The following FUT8 variants were observed in gnomAD, a reference collection of about 807,000 sequenced individuals.
The protein encoded by FUT8 is fucosyltransferase 8, also known as alpha-(1,6)-fucosyltransferase.
A neutral mutation model predicts 71.3 loss-of-function variants in FUT8; 29 were observed. That is an observed-to-expected ratio of 0.41 (90% CI 0.30 to 0.55). FUT8 has a LOEUF of 0.55. Among genes scored for constraint, FUT8 ranks in the 20% least tolerant of loss-of-function variants. FUT8 has a pLI of 0.34. For synonymous variants in FUT8, 254 were observed against 239.3 expected, an observed-to-expected ratio of 1.06 and a Z score of -0.57; for missense variants, 544 against 702.1, an observed-to-expected ratio of 0.77 and a Z score of 2.55.
chr14:65,622,150 T>C (rs1889649152), intron 5 of FUT8, among the ~76,000 whole-genome samples: 1 of 152,202 alleles, frequency 6.6e-6, no homozygotes, highest in African/African-American at 2.4e-5. Flanking sequence ...ACTGAAGTTA[T>C]ATTCAGTTCT....
At chr14:65,420,843 C>T (rs1251874820) in intron 1 of FUT8, among the ~76,000 whole-genome samples, 1 of 152,004 alleles carries the variant, frequency 6.6e-6, no homozygotes, top group African/African-American at 2.4e-5. Context: ...ACACATTGTA[C>T]CTTATATGTA....
chr14:65,653,089 A>G (rs950048950), intron 6 of FUT8, among the ~76,000 whole-genome samples: 1 of 152,182 alleles, frequency 6.6e-6, no homozygotes. Flanking sequence ...GTCACATAGC[A>G]TCACTTCTGC....
chr14:65,462,936 G>T (rs1037937970), intron 2 of FUT8, among the ~76,000 whole-genome samples: 1 of 152,180 alleles, frequency 6.6e-6, no homozygotes, highest in African/African-American at 2.4e-5. Flanking sequence ...AGATAGGATT[G>T]TCTCACCACT....
At chr14:65,450,703 ATTG>A (rs2065808655) in intron 1 of FUT8, among the ~76,000 whole-genome samples, 2 of 151,986 alleles carry the variant, frequency 1.3e-5, no homozygotes, top group Admixed American at 1.3e-4. Flanking sequence ...ATTACTGGAT[ATTG>A]TTTATTCTTT....
At chr14:65,517,393 T>A (rs974441348) in intron 2 of FUT8, among the ~76,000 whole-genome samples, 1 of 152,186 alleles carries the variant, frequency 6.6e-6, no homozygotes, top group Non-Finnish European at 1.5e-5. Flanking sequence ...TACAGTCTAA[T>A]AACAGTAATA....
chr14:65,693,800 C>G lies in FUT8; in HGVS notation c.835+24320C>G, dbSNP rs183380458. ...TTCCTTAAATGTTTAGTAGAATTCA[C>G]CAGTGAAACTATCTGAGTGTGGTGC... On this transcript the variant is annotated intron_variant, in intron 7 of 10. Coordinates refer to ENST00000673929, the MANE Select transcript of FUT8 (RefSeq NM_001371533.1). Among the ~76,000 whole-genome samples the G allele has an allele frequency of 3.7e-3, 567 of 152,268 alleles. 2 individuals carry two copies. The highest frequency in any genetic ancestry group is 6.1e-3 in the Non-Finnish European group (415 of 68,022).
At chr14:65,531,697 A>G (rs7153497) in intron 2 of FUT8, among the ~76,000 whole-genome samples, 125,943 of 152,052 alleles carry the variant, frequency 0.83, 52,410 homozygotes, top group East Asian at 1. Context: ...GGGGTTTGAC[A>G]TACAGATTAT....
At chr14:65,629,137 T>C (rs1890043020) in intron 5 of FUT8, among the ~76,000 whole-genome samples, 1 of 152,238 alleles carries the variant, frequency 6.6e-6, no homozygotes, top group Admixed American at 6.5e-5. Context: ...CAAGAGGTAC[T>C]AATACTAACG....
chr14:65,658,296 T>G (rs981983179), intron 6 of FUT8, among the ~76,000 whole-genome samples: 11 of 152,072 alleles, frequency 7.2e-5, no homozygotes, highest in Non-Finnish European at 2.9e-5. Context: ...AAATAAAAAA[T>G]GCCAAGAATG....
chr14:65,447,455 A>T (rs2139519360), intron 1 of FUT8, among the ~76,000 whole-genome samples: 1 of 152,282 alleles, frequency 6.6e-6, no homozygotes, highest in African/African-American at 2.4e-5. Flanking sequence ...ATTTTATAAT[A>T]ATGAAGGAAA....
chr14:65,683,801 A>G (rs1278729645), intron 7 of FUT8, among the ~76,000 whole-genome samples: 2 of 152,134 alleles, frequency 1.3e-5, no homozygotes, highest in African/African-American at 2.4e-5. Flanking sequence ...TGTATGAATA[A>G]TGAATATTAT....
chr14:65,669,488 G>A lies in FUT8; in HGVS notation c.835+8G>A. On this transcript the variant is annotated splice_region_variant and intron_variant, in intron 7 of 10. Transcript: ENST00000673929. The surrounding 1 kb of genome is among the most constrained non-coding windows in gnomAD (Gnocchi z 4.5). ...CCACTGGACACTGGTCAGGTAAGGAGCTTGTGCAGCATATGAGATCTCTGG... is the reference window on the plus strand; with the variant it reads ...CCACTGGACACTGGTCAGGTAAGGAACTTGTGCAGCATATGAGATCTCTGG... The A allele has an allele frequency of 6.3e-7, 1 of 1,586,834 alleles. No homozygotes were observed. Among genetic ancestry groups the A allele is most frequent in the Non-Finnish European group, 8.7e-7 (1 of 1,155,474 alleles).
intron 7 of FUT8, among the ~76,000 whole-genome samples, chr14:65,706,017 C>A (rs1277945821): frequency 1.3e-5 from 2 of 152,148 alleles, no homozygotes; most frequent in East Asian, 3.9e-4. Context: ...GCAGAATCGT[C>A]CCCAAAATAA....
At chr14:65,393,374 A>G in the FUT8 span, among the ~76,000 whole-genome samples, 89,181 of 152,038 alleles carry the variant, frequency 0.59, 26,358 homozygotes, top group East Asian at 0.76. Flanking sequence ...TAAGTGATTG[A>G]TAGAGATTCT....
upstream of FUT8, among the ~76,000 whole-genome samples, chr14:65,408,284 C>T (rs146610094): frequency 2.0e-5 from 3 of 152,178 alleles, no homozygotes; most frequent in East Asian, 1.9e-4. Context: ...TAAGGACTTA[C>T]GCTGGCCATG....
intron 2 of FUT8, among the ~76,000 whole-genome samples, chr14:65,545,227 A>G (rs1436142571): frequency 6.6e-6 from 1 of 152,066 alleles, no homozygotes; most frequent in Non-Finnish European, 1.5e-5. Flanking sequence ...AAGCAATAAA[A>G]AAGATTTTAA....
the FUT8 span, among the ~76,000 whole-genome samples, chr14:65,404,025 G>C: frequency 6.6e-6 from 1 of 151,870 alleles, no homozygotes; most frequent in Non-Finnish European, 1.5e-5. Context: ...AACCTCTTGA[G>C]TAGCTGGGAT....
At chr14:65,366,953 A>G in the FUT8 span, among the ~76,000 whole-genome samples, 64 of 152,346 alleles carry the variant, frequency 4.2e-4, no homozygotes, top group African/African-American at 1.4e-3. Flanking sequence ...AAGAAAATGT[A>G]GAGAAAAGCG....
chr14:65,656,709 A>G (rs1362759959), intron 6 of FUT8, among the ~76,000 whole-genome samples: 1 of 151,954 alleles, frequency 6.6e-6, no homozygotes, highest in African/African-American at 2.4e-5. Flanking sequence ...AAGTAGAGGA[A>G]TCACACTGCC....
Sources: gnomAD v4.1 joint callset for allele counts (sites outside exome capture counted in the v4.1 genomes callset) on GRCh38, gnomAD v4.1.1 for gene constraint, Gnocchi (gnomAD v3.1) non-coding constraint, MANE v1.5 for transcripts, NCBI Gene and HGNC (gene_info 2026-07-23, HGNC 2026-07-21) for gene names.